LTN1: variants seen among roughly 807,000 people sequenced by gnomAD.
The protein encoded by LTN1 is E3 ubiquitin-protein ligase listerin.
In LTN1, 88 loss-of-function variants were observed where a neutral mutation model predicts 201.2. That is an observed-to-expected ratio of 0.44 (90% CI 0.37 to 0.52). LTN1 has a LOEUF of 0.52. LTN1 is among the 20% of genes least tolerant of loss of function. The pLI is 0.00. For missense variants in LTN1, 1,752 were observed against 2,038.7 expected, an observed-to-expected ratio of 0.86 and a Z score of 2.71; for synonymous variants, 645 against 713.5, an observed-to-expected ratio of 0.90 and a Z score of 1.53.
rs1350327987 is a variant in LTN1, at chr21:28,931,146, T to C, written c.5238+9A>G. The C allele has an allele frequency of 3.1e-6, 5 of 1,596,830 alleles. No individual in the cohort carries two copies. The highest frequency in any genetic ancestry group is 4.3e-6 in the Non-Finnish European group (5 of 1,167,532). ...AAATATAAGTAAGTTAATTTCTCTT[T>C]AGACTTACCAAGCAGGCTGAATGGA... On this transcript the variant is annotated intron_variant, in intron 29 of 29. Transcript: ENST00000361371.
In LTN1 at chr21:28,928,231, A is replaced by G. The variant is rs925819856; in HGVS notation, c.*2217T>C. On this transcript the variant is annotated 3_prime_UTR_variant, in exon 30 of 30. Transcript: ENST00000361371. ...ATGTGAAGGGTACAAGGGCATTTAT[A>G]TTATTATTTTTCTGCATATTTGAAA... 9.8e-5 allele frequency: 15 copies of G among 152,574 alleles called. No homozygotes were observed. The highest frequency in any genetic ancestry group is 2.9e-4 in the African/African-American group (12 of 41,394). The allele number at this position is 152,574 out of a possible 1,614,324, so 9.5% of individuals were successfully genotyped here. A position where few individuals can be genotyped will look rare whatever the true frequency, so the allele number is the denominator to read the frequency against.
intron 6 of LTN1, among the ~76,000 whole-genome samples, chr21:28,975,140 C>T (rs2084604845): frequency 6.6e-6 from 1 of 152,050 alleles, no homozygotes; most frequent in Admixed American, 6.5e-5. Context: ...TGATGTCAAC[C>T]CCAAGATGAC....
In LTN1 at chr21:28,964,499, A is replaced by G. The variant is rs553990755; in HGVS notation, c.2163+1366T>C. 3.7e-4 allele frequency: 495 copies of G among 1,332,684 alleles called. 3 individuals are homozygous for G. The African/African-American group carries it at 6.9e-3, about 19-fold the overall frequency. 82.6% of individuals were successfully genotyped at this position (1,332,684 alleles called of 1,614,324 possible). On this transcript the variant is annotated intron_variant, in intron 11 of 29. Coordinates refer to ENST00000361371, the MANE Select transcript of LTN1 (RefSeq NM_015565.3). ...GCACACTTAATAGACTGTAGTGTAC[A>G]CATAACTTTTATATGCACTGGCAAT...
chr21:28,936,456 G>T lies in LTN1; in HGVS notation c.4654+70C>A, dbSNP rs1444220235. The T allele has an allele frequency of 3.9e-6, 5 of 1,291,256 alleles. No homozygotes were observed. In the African/African-American group the frequency reaches 7.4e-5, roughly 19 times the overall value. 80.0% of individuals were successfully genotyped at this position (1,291,256 alleles called of 1,614,324 possible). ...TTTGGGGTTATTCTCCACATTCTCA[G>T]GGAAAAGTTTAATTCAACCTAGTCT... On this transcript the variant is annotated intron_variant, in intron 26 of 29. Transcript: ENST00000361371.
rs200118630 is a variant in LTN1 at position 28,984,909 on chromosome 21, C to G, written c.359G>C (p.Arg120Pro). Residue 120 changes from arginine to proline, a missense_variant, in exon 4 of 30, where the codon CGC becomes CCC. Physicochemically the swap from Arg to Pro is moderately radical, Grantham distance 103. Around this residue, in one of 3 missense-constraint regions of LTN1, gnomAD observed 280 missense variants for 375.7 expected, o/e 0.75. Coordinates refer to ENST00000361371, the MANE Select transcript of LTN1 (RefSeq NM_015565.3). ...FCKISLDHDR[R>P]VREATQQAFE... ...AGCTTGTTGTGTGGCTTCTCGGACG[C>G]GACGGTCATGATCCTATTAAAAATA... 1 of 1,612,462 alleles carries G rather than the reference C, an allele frequency of 6.2e-7. No homozygotes were observed. Among genetic ancestry groups the G allele is most frequent in the South Asian group, 1.1e-5 (1 of 90,966 alleles).
At chr21:28,985,262 C>CCAGCCT (rs1314641442) in intron 3 of LTN1, among the ~76,000 whole-genome samples, 4 of 151,956 alleles carry the variant, frequency 2.6e-5, no homozygotes, top group African/African-American at 9.7e-5. Flanking sequence ...GAGTTCAAGA[C>CCAGCCT]CAGCCTGGCC....
At chr21:28,991,376 T>C (rs1280147646) in intron 1 of LTN1, among the ~76,000 whole-genome samples, 1 of 152,134 alleles carries the variant, frequency 6.6e-6, no homozygotes, top group Non-Finnish European at 1.5e-5. Flanking sequence ...TACAGTATTA[T>C]ACAAAAGTCA....
chr21:28,946,313 T>A (rs528772100), intron 19 of LTN1, 26 bp from the exon 20 acceptor site: 3 of 1,485,626 alleles, frequency 2.0e-6, no homozygotes, highest in Admixed American at 4.8e-5. Context: ...AAATGAAAAT[T>A]AAAAATATTT....
chr21:28,966,072 T>TA (rs1039801196), intron 10 of LTN1, among the ~76,000 whole-genome samples, 166 bp from the exon 11 acceptor site: 36 of 152,324 alleles, frequency 2.4e-4, no homozygotes, highest in African/African-American at 6.5e-4. Context: ...CATGCCCAGC[T>TA]AAAACTTTTA....
chr21:28,960,457 C>A, intron 12 of LTN1, 60 bp downstream of exon 12: 3 of 1,331,068 alleles, frequency 2.3e-6, no homozygotes, highest in Admixed American at 4.0e-5. Flanking sequence ...CCCATGCAAT[C>A]CCCCACAAAG....
intron 17 of LTN1, 74 bp from the exon 18 acceptor site, chr21:28,952,338 T>C: frequency 3.6e-6 from 3 of 844,646 alleles, no homozygotes; most frequent in East Asian, 2.6e-5. Context: ...ACTGGCTAGC[T>C]GGATTCCTTT....
chr21:28,974,661 T>C (rs972716098), intron 6 of LTN1, among the ~76,000 whole-genome samples: 1 of 152,132 alleles, frequency 6.6e-6, no homozygotes, highest in African/African-American at 2.4e-5. Flanking sequence ...GCCAGGATAA[T>C]GCGGGATGAC....
rs1462396523 is a variant in LTN1, at chr21:28,981,242, T to C, written c.687A>G (p.Leu229=). ...GGCAAAGTAATCTCTTTAATGCCAA[T>C]AAGGAACAAGTTACAACCCGGTAGA... ...AKFYRVVTCS[L]LALKRLLCLL... Residue 229 remains leucine, a synonymous_variant, in exon 6 of 30, where the codon TTA becomes TTG. Transcript: ENST00000361371. 1 of 1,594,952 alleles carries C rather than the reference T, an allele frequency of 6.3e-7. No homozygotes were observed. The highest frequency in any genetic ancestry group is 1.4e-5 in the African/African-American group (1 of 74,068).
Position 28,936,528 on chromosome 21 carries a change from C to G in LTN1, c.4652G>C (p.Arg1551Thr). The change falls in exon 26 of 30, where the codon AGA (arginine) becomes ACA (threonine). Residue 1551 changes from arginine (R) to threonine (T), a missense_variant and splice_region_variant. Coordinates refer to ENST00000361371, the MANE Select transcript of LTN1 (RefSeq NM_015565.3). ...ACATAAACACATATCTTACTGACCT[C>G]TAATACTCAGCTGGAGCTCCTCAGT... is the stretch of plus-strand genomic sequence containing the variant. The part of the protein sequence containing the change: ...FFTEELQLSI[R>T]ETTMLPYHIP... The G allele has an allele frequency of 1.9e-6, 3 of 1,611,352 alleles. No individual in the cohort carries two copies. The highest frequency in any genetic ancestry group is 2.2e-5 in the South Asian group (2 of 90,466).
chr21:28,979,389 A>G (rs2084641135), intron 6 of LTN1, among the ~76,000 whole-genome samples: 1 of 152,250 alleles, frequency 6.6e-6, no homozygotes, highest in South Asian at 2.1e-4. Flanking sequence ...GGAGGCAATC[A>G]GGATCTATCA....
intron 1 of LTN1, among the ~76,000 whole-genome samples, chr21:28,991,006 C>G (rs905036006): frequency 6.6e-6 from 1 of 152,090 alleles, no homozygotes; most frequent in Non-Finnish European, 1.5e-5. Context: ...CCGTGATGGC[C>G]TGTACCTGTA....
Position 28,947,410 on chromosome 21 carries a change from C to G in LTN1, c.3487+54G>C, listed in dbSNP as rs911644201. On this transcript the variant is annotated intron_variant, in intron 19 of 29. Transcript: ENST00000361371. ...GTGGTCTTATATATTAGAAACAGTT[C>G]TTCATCTCAAGCAATAATTAAATTA... is the stretch of plus-strand genomic sequence containing the variant. 2.2e-6 allele frequency: 3 copies of G among 1,380,132 alleles called. No homozygotes were observed. In the African/African-American group the frequency reaches 4.5e-5, roughly 21 times the overall value. The allele number at this position is 1,380,132 out of a possible 1,614,324, so 85.5% of individuals were successfully genotyped here. A position where few individuals can be genotyped will look rare whatever the true frequency, so the allele number is the denominator to read the frequency against.
chr21:28,935,607 G>A (rs1312976048), intron 26 of LTN1, among the ~76,000 whole-genome samples: 1 of 152,080 alleles, frequency 6.6e-6, no homozygotes, highest in African/African-American at 2.4e-5. Context: ...TTGGGAGGCC[G>A]AGGTGGGTGG....
Position 28,959,710 on chromosome 21 carries a change from AG to A in LTN1, c.2354-14del. On this transcript the variant is annotated splice_polypyrimidine_tract_variant and intron_variant, in intron 12 of 29. Transcript: ENST00000361371. The stretch of plus-strand genomic sequence containing the variant: ...CCAATCAAGTAATCTGGAGAAAAAA[AG>A]GTTCAAACAGACAAAAAATAAAAAT... 1 of 1,558,270 alleles carries A rather than the reference AG, an allele frequency of 6.4e-7. No homozygotes were observed. Among genetic ancestry groups the A allele is most frequent in the Non-Finnish European group, 8.7e-7 (1 of 1,155,102 alleles).
Sources: gnomAD v4.1 joint callset for allele counts (sites outside exome capture counted in the v4.1 genomes callset) on GRCh38, gnomAD v4.1.1 for gene constraint, gnomAD v4.1.1 regional missense constraint, MANE v1.5 for transcripts, NCBI Gene and HGNC (gene_info 2026-07-23, HGNC 2026-07-21) for gene names.